The following NOL4L variants were observed in gnomAD, a reference collection of about 807,000 sequenced individuals.
NOL4L encodes nucleolar protein 4-like.
Under a neutral mutation model 64.5 loss-of-function variants are expected in NOL4L, and 7 were observed. That is an observed-to-expected ratio of 0.11 (90% CI 0.06 to 0.20). The LOEUF is 0.20. Ranked by LOEUF, NOL4L falls within the 10% of genes least tolerant of loss-of-function variation. The pLI is 1.00. For synonymous variants in NOL4L, 413 were observed against 401.0 expected (o/e 1.03, Z -0.36); for missense variants, 680 against 967.1 (o/e 0.70, Z 3.94).
chr20:32,535,948 G>C (rs575578249), intron 1 of NOL4L: 1 of 985,700 alleles, frequency 1.0e-6, no homozygotes, highest in East Asian at 1.1e-4. Flanking sequence ...CCTGGCGGGG[G>C]CAGGGAGAGG....
At chr20:32,533,971 T>C (rs571009982) in intron 1 of NOL4L, among the ~76,000 whole-genome samples, 1 of 152,340 alleles carries the variant, frequency 6.6e-6, no homozygotes, top group East Asian at 1.9e-4. Flanking sequence ...CCCCTGATGG[T>C]GAAGTGAGGT....
intron 3 of NOL4L, among the ~76,000 whole-genome samples, chr20:32,517,037 G>T (rs2017696261): frequency 6.6e-6 from 1 of 152,232 alleles, no homozygotes; most frequent in East Asian, 1.9e-4. Flanking sequence ...GGTGGAAGAG[G>T]AGTGTGGAGT....
intron 1 of NOL4L, among the ~76,000 whole-genome samples, chr20:32,538,418 C>T (rs907540757): frequency 6.6e-6 from 1 of 151,672 alleles, no homozygotes; most frequent in East Asian, 1.9e-4. Context: ...GCTATCTGAT[C>T]CCTTCCCCAC....
intron 4 of NOL4L, among the ~76,000 whole-genome samples, chr20:32,481,960 G>A (rs2015740221): frequency 1.3e-5 from 2 of 149,084 alleles, no homozygotes; most frequent in Admixed American, 6.7e-5. Flanking sequence ...TTGGTGGGGC[G>A]GGGCGGGGGG....
At chr20:32,569,417 C>A (rs1979628247) in intron 1 of NOL4L, among the ~76,000 whole-genome samples, 1 of 152,150 alleles carries the variant, frequency 6.6e-6, no homozygotes, top group Admixed American at 6.5e-5. Flanking sequence ...AGCACTTTGG[C>A]CACAGTGTGA....
chr20:32,572,846 G>T (rs546985850), intron 1 of NOL4L, among the ~76,000 whole-genome samples: 83 of 152,224 alleles, frequency 5.5e-4, no homozygotes, highest in Non-Finnish European at 8.4e-4. Flanking sequence ...TCTGCCCACT[G>T]CCCCTTCTGC....
At chr20:32,516,398 C>T (rs1483528668) in intron 3 of NOL4L, among the ~76,000 whole-genome samples, 4 of 152,124 alleles carry the variant, frequency 2.6e-5, no homozygotes, top group Non-Finnish European at 5.9e-5. Flanking sequence ...GTGTGCGGTG[C>T]AGTCCCCAGG....
intron 4 of NOL4L, among the ~76,000 whole-genome samples, chr20:32,481,021 A>G (rs1291458039): frequency 6.6e-6 from 1 of 152,180 alleles, no homozygotes; most frequent in East Asian, 1.9e-4. Flanking sequence ...GACACAGCCA[A>G]TCACCTACCA....
intron 5 of NOL4L, among the ~76,000 whole-genome samples, chr20:32,466,732 C>A (rs1273986419): frequency 1.3e-5 from 2 of 152,178 alleles, no homozygotes; most frequent in African/African-American, 4.8e-5. Flanking sequence ...AGGGTCAGGG[C>A]AATGGACACA....
At chr20:32,449,880 G>A (rs1334752115) in intron 10 of NOL4L, 2 of 152,480 alleles carry the variant, frequency 1.3e-5, no homozygotes, top group Non-Finnish European at 2.9e-5. Context: ...GTCAACATGA[G>A]CAGTGGTCCC....
intron 5 of NOL4L, among the ~76,000 whole-genome samples, chr20:32,468,900 CA>C (rs555969764): frequency 1.1e-3 from 107 of 95,302 alleles, no homozygotes; most frequent in South Asian, 1.9e-3. Context: ...GACTCCATCT[CA>C]AAAAAAAAAA....
At chr20:32,455,220 C>T (rs1357854042) in intron 6 of NOL4L, among the ~76,000 whole-genome samples, 1 of 152,158 alleles carries the variant, frequency 6.6e-6, no homozygotes, top group Non-Finnish European at 1.5e-5. Flanking sequence ...GCCACAGTGG[C>T]AATGGCTGCT....
At chr20:32,529,370 G>A (rs1270834200) in intron 1 of NOL4L, among the ~76,000 whole-genome samples, 1 of 152,194 alleles carries the variant, frequency 6.6e-6, no homozygotes, top group Non-Finnish European at 1.5e-5. Flanking sequence ...GTATGAGAGA[G>A]CCGAACACCG....
At position 32,463,927 on chromosome 20, in the gene NOL4L, A is replaced by T. The variant is rs1478718120; in HGVS notation, c.842-7532T>A. On this transcript the variant is annotated intron_variant, in intron 5 of 10. Transcript: ENST00000621426. This position sits in a 1 kb window ranked among gnomAD's most constrained non-coding sequence, Gnocchi z 5.8. ...AGGTACACGGCCACTGGAGGCCAGC[A>T]GGCCCTGCGTGCAGACTGCCTTCCG... is the stretch of plus-strand genomic sequence containing the variant. 2.0e-5 allele frequency among the ~76,000 whole-genome samples: 3 copies of T among 152,192 alleles called. No individual in the cohort carries two copies. The highest frequency in any genetic ancestry group is 4.4e-5 in the Non-Finnish European group (3 of 68,030).
chr20:32,483,618 G>C lies in NOL4L; in HGVS notation c.700-8876C>G, dbSNP rs1388212777. 1.5e-5 allele frequency: 3 copies of C among 193,600 alleles called. No homozygotes were observed. In the Admixed American group the frequency reaches 6.7e-4, roughly 43 times the overall value. The allele number at this position is 193,600 out of a possible 1,614,324, so 12.0% of individuals were successfully genotyped here. A position where few individuals can be genotyped will look rare whatever the true frequency, so the allele number is the denominator to read the frequency against. On this transcript the variant is annotated intron_variant, in intron 4 of 10. Transcript: ENST00000621426. Reference sequence around the variant, plus strand: ...GGAAGGGGGAGGGGGCACCGGGCACGGGGAGGCGGGAGAGGGGGCGGGACC... The same window carrying C: ...GGAAGGGGGAGGGGGCACCGGGCACCGGGAGGCGGGAGAGGGGGCGGGACC...
At chr20:32,481,968 G>GGT (rs1555794907) in intron 4 of NOL4L, among the ~76,000 whole-genome samples, 5 of 149,124 alleles carry the variant, frequency 3.4e-5, no homozygotes, top group East Asian at 4.1e-4. Flanking sequence ...GCGGGGCGGG[G>GGT]GGGGGGGAGC....
At chr20:32,494,252 G>GAAAAAAAAAAAAAAAAAAAAAAAAAAAA (rs1568654908) in intron 4 of NOL4L, among the ~76,000 whole-genome samples, 2 of 27,094 alleles carry the variant, frequency 7.4e-5, no homozygotes, top group African/African-American at 3.1e-4. Context: ...GATAATCTCG[G>GAAAAAAAAAAAAAAAAAAAAAAAAAAAA]GAAAAAAAAA....
In NOL4L at chr20:32,525,514, C is replaced by G. The variant is rs1205065399; in HGVS notation, c.477+2244G>C. ...CTTAAAATGGAGGTAACAACAGCAC[C>G]TGCTTCATGCATGCAACCTTCATAC... On this transcript the variant is annotated intron_variant, in intron 2 of 10. Coordinates refer to ENST00000621426, the MANE Select transcript of NOL4L (RefSeq NM_001256798.2). 2.0e-5 allele frequency among the ~76,000 whole-genome samples: 3 copies of G among 152,350 alleles called. No individual in the cohort carries two copies. In the East Asian group the frequency reaches 5.8e-4, roughly 29 times the overall value.
chr20:32,487,545 A>C (rs2016143502), intron 4 of NOL4L, among the ~76,000 whole-genome samples: 1 of 152,074 alleles, frequency 6.6e-6, no homozygotes, highest in South Asian at 2.1e-4. Context: ...TAGTTGGTGC[A>C]AAACTGCTGA....
Sources: allele counts gnomAD v4.1 joint callset (sites outside exome capture counted in the v4.1 genomes callset), GRCh38; gene constraint gnomAD v4.1.1; non-coding constraint Gnocchi (gnomAD v3.1); transcripts MANE v1.5; gene names NCBI Gene and HGNC (gene_info 2026-07-23, HGNC 2026-07-21).